The following SPATA2 variants were observed in gnomAD, a reference collection of about 807,000 sequenced individuals.
The protein encoded by SPATA2 is spermatogenesis-associated protein 2.
Under a neutral mutation model 35.4 loss-of-function variants are expected in SPATA2, and 8 were observed. That is an observed-to-expected ratio of 0.23 (90% confidence interval 0.13 to 0.41). The LOEUF is 0.41. Among genes scored for constraint, SPATA2 ranks in the 10% least tolerant of loss-of-function variants. SPATA2 has a pLI of 1.00. For synonymous variants in SPATA2, 293 were observed against 300.9 expected, an observed-to-expected ratio of 0.97 and a Z score of 0.27; for missense variants, 650 against 698.7, an observed-to-expected ratio of 0.93 and a Z score of 0.79.
At chr20:49,907,099 T>C (rs370726724) in intron 2 of SPATA2, among the ~76,000 whole-genome samples, 1 of 152,306 alleles carries the variant, frequency 6.6e-6, no homozygotes, top group African/African-American at 2.4e-5. Flanking sequence ...CTCGCTCTTT[T>C]GCCCAGGGTG....
At position 49,906,897 on chromosome 20, in the gene SPATA2, A is replaced by G. The variant is rs753642159; in HGVS notation, c.337-52T>C. ...GGTGGGGTTTTCTGTCAGAGACACA[A>G]GACAGAGACTATGTCAAAGCAAAGG... is the stretch of plus-strand genomic sequence containing the variant. On this transcript the variant is annotated intron_variant, in intron 2 of 2. Transcript: ENST00000289431. The surrounding 1 kb of genome is among the most constrained non-coding windows in gnomAD (Gnocchi z 8.2). 6.4e-7 allele frequency: 1 copy of G among 1,554,844 alleles called. No individual in the cohort carries two copies. The highest frequency in any genetic ancestry group is 1.2e-5 in the South Asian group (1 of 82,254).
chr20:49,908,205 C>T lies in SPATA2; in HGVS notation c.286G>A (p.Gly96Ser). Residue 96 changes from glycine (G) to serine (S), a missense_variant, in exon 2 of 3, where the codon GGC (glycine) becomes AGC (serine). Transcript: ENST00000289431. Reference protein sequence around the residue: ...HGAFSMLETVGINLFLYPWKK... With the variant: ...HGAFSMLETVSINLFLYPWKK... Reference sequence around the variant, plus strand: ...CACGGGTAGAGGAAGAGGTTGATGCCCACCGTCTCCAGCATGCTGAAGGCG... The same window carrying T: ...CACGGGTAGAGGAAGAGGTTGATGCTCACCGTCTCCAGCATGCTGAAGGCG... The T allele has an allele frequency of 6.2e-7, 1 of 1,613,502 alleles. No homozygotes were observed. Among genetic ancestry groups the T allele is most frequent in the East Asian group, 2.2e-5 (1 of 44,864 alleles).
intron 1 of SPATA2, among the ~76,000 whole-genome samples, chr20:49,910,037 C>T (rs949863826): frequency 2.6e-5 from 4 of 152,214 alleles, no homozygotes; most frequent in African/African-American, 9.6e-5. Flanking sequence ...AGGCTTTACA[C>T]AATCTTGTCA....
rs374830291 is a variant in SPATA2, at chr20:49,903,902, G to GATATATATAT, written c.*1707_*1716dup. 8.3e-5 allele frequency: 8 copies of GATATATATAT among 96,918 alleles called. No individual in the cohort carries two copies. The highest frequency in any genetic ancestry group is 1.0e-4 in the Non-Finnish European group (5 of 49,700). The allele number at this position is 96,918 out of a possible 1,614,324, so 6.0% of individuals were successfully genotyped here. A position where few individuals can be genotyped will look rare whatever the true frequency, so the allele number is the denominator to read the frequency against. On this transcript the variant is annotated 3_prime_UTR_variant, in exon 3 of 3. Coordinates refer to ENST00000289431, the MANE Select transcript of SPATA2 (RefSeq NM_006038.4). The stretch of plus-strand genomic sequence containing the variant: ...ACATCTACATGTGATCTACCAGATA[G>GATATATATAT]ATATATATATATATATATATATATA...
chr20:49,910,560 G>A (rs2090177187), intron 1 of SPATA2, among the ~76,000 whole-genome samples: 1 of 152,180 alleles, frequency 6.6e-6, no homozygotes. Context: ...AAGGTGACCT[G>A]TGTGCTTCAT....
At chr20:49,913,852 C>G (rs1055186084) in intron 1 of SPATA2, 2 of 152,096 alleles carry the variant, frequency 1.3e-5, no homozygotes, top group African/African-American at 2.4e-5. Context: ...CTGGTCATAG[C>G]TGGTGTTTTT....
chr20:49,904,736 T>A lies in SPATA2; in HGVS notation c.*883A>T, dbSNP rs1453792825. The A allele has an allele frequency of 6.6e-6, 1 of 152,644 alleles. No individual in the cohort carries two copies. Among genetic ancestry groups the A allele is most frequent in the Non-Finnish European group, 1.5e-5 (1 of 68,038 alleles). 9.5% of individuals were successfully genotyped at this position (152,644 alleles called of 1,614,324 possible). On this transcript the variant is annotated 3_prime_UTR_variant, in exon 3 of 3. Transcript: ENST00000289431. ...TAGTGAGTGGAGGATACAACACGAA[T>A]GGGCGCGAGGCCCTCCCTTGGAAGA...
chr20:49,908,429 T>C lies in SPATA2; in HGVS notation c.62A>G (p.Gln21Arg), dbSNP rs1221176507. 1.2e-6 allele frequency: 2 copies of C among 1,608,616 alleles called. No individual in the cohort carries two copies. The highest frequency in any genetic ancestry group is 2.7e-5 in the African/African-American group (2 of 74,858). ...FKDDLFRKYV[Q>R]FHESKVDTTT... ...GGTATCCACTTTGCTCTCATGGAAC[T>C]GCACGTACTTCCGAAATAAGTCATC... Residue 21 changes from glutamine to arginine, a missense_variant, in exon 2 of 3, where the codon CAG becomes CGG. Gln to Arg is a conservative substitution (Grantham distance 43, BLOSUM62 1). Coordinates refer to ENST00000289431, the MANE Select transcript of SPATA2 (RefSeq NM_006038.4).
rs1199007105 is a variant in SPATA2, at chr20:49,906,280, A to G, written c.902T>C (p.Met301Thr). The change falls in exon 3 of 3, where the codon ATG (methionine) becomes ACG (threonine). Residue 301 changes from methionine (M) to threonine (T), a missense_variant. Coordinates refer to ENST00000289431, the MANE Select transcript of SPATA2 (RefSeq NM_006038.4). The surrounding 1 kb of genome is among the most constrained non-coding windows in gnomAD (Gnocchi z 8.2). ...IIRPSPSLLT[M>T]ASSPHGSPDV... ...CGGGCTGCCGTGGGGGGAGCTGGCC[A>G]TGGTCAGCAGCGAAGGGGATGGGCG... The G allele has an allele frequency of 2.5e-6, 4 of 1,574,662 alleles. No homozygotes were observed. Among genetic ancestry groups the G allele is most frequent in the Admixed American group, 1.8e-5 (1 of 56,900 alleles).
At chr20:49,910,317 T>C (rs1279490188) in intron 1 of SPATA2, among the ~76,000 whole-genome samples, 1 of 152,182 alleles carries the variant, frequency 6.6e-6, no homozygotes, top group African/African-American at 2.4e-5. Flanking sequence ...TGTCCAGAGC[T>C]GGCGAGAGGA....
Position 49,908,333 on chromosome 20 carries a change from T to C in SPATA2, c.158A>G (p.His53Arg). The C allele has an allele frequency of 1.9e-6, 3 of 1,614,266 alleles. No homozygotes were observed. ...RVAASTLLSL[H>R]KVDPFYRFRL... ...GAATCGATAAAAGGGATCCACCTTG[T>C]GCAGGCTGAGCAGGGTTGAGGCTGC... Residue 53 changes from histidine (H) to arginine (R), a missense_variant, in exon 2 of 3, where the codon CAC becomes CGC. Physicochemically the swap from His to Arg is conservative, Grantham distance 29 (BLOSUM62 0). Coordinates refer to ENST00000289431, the MANE Select transcript of SPATA2 (RefSeq NM_006038.4).
Position 49,904,714 on chromosome 20 carries a change from T to G in SPATA2, c.*905A>C, listed in dbSNP as rs1394359180. ...ACTCTCCTCTCCCCTCGGGCCATAG[T>G]GAGTGGAGGATACAACACGAATGGG... On this transcript the variant is annotated 3_prime_UTR_variant, in exon 3 of 3. Transcript: ENST00000289431. 1 of 152,554 alleles carries G rather than the reference T, an allele frequency of 6.6e-6. No individual in the cohort carries two copies. Among genetic ancestry groups the G allele is most frequent in the Non-Finnish European group, 1.5e-5 (1 of 68,014 alleles). The allele number at this position is 152,554 out of a possible 1,614,324, so 9.5% of individuals were successfully genotyped here.
chr20:49,906,232 G>C lies in SPATA2; in HGVS notation c.950C>G (p.Pro317Arg). 1 of 1,568,616 alleles carries C rather than the reference G, an allele frequency of 6.4e-7. No individual in the cohort carries two copies. Among genetic ancestry groups the C allele is most frequent in the Non-Finnish European group, 8.7e-7 (1 of 1,155,758 alleles). The stretch of plus-strand genomic sequence containing the variant: ...GCGCAGCAGGGCCGGGCCGTTGCTG[G>C]GGGAGGCGGGTGGAAGCACATCCGG... ...GSPDVLPPAS[P>R]SNGPALLRGT... is the part of the protein sequence containing the mutation. The change falls in exon 3 of 3, where the codon CCC becomes CGC. Residue 317 changes from proline (P) to arginine (R), a missense_variant. Physicochemically the swap from Pro to Arg is moderately radical, Grantham distance 103. Transcript: ENST00000289431. This position sits in a 1 kb window ranked among gnomAD's most constrained non-coding sequence, Gnocchi z 8.2.
intron 2 of SPATA2, among the ~76,000 whole-genome samples, chr20:49,907,228 T>G (rs1255553615): frequency 6.6e-6 from 1 of 152,076 alleles, no homozygotes; most frequent in Non-Finnish European, 1.5e-5. Context: ...GCCCAGCTAA[T>G]TTTTCTGTTT....
At chr20:49,907,445 G>T (rs1158543481) in intron 2 of SPATA2, among the ~76,000 whole-genome samples, 1 of 152,132 alleles carries the variant, frequency 6.6e-6, no homozygotes, top group Non-Finnish European at 1.5e-5. Context: ...AGAGAGCCTG[G>T]GCAAACATGG....
In SPATA2 at chr20:49,905,729, T is replaced by G. The variant is rs773145127; in HGVS notation, c.1453A>C (p.Ser485Arg). 1 of 1,614,226 alleles carries G rather than the reference T, an allele frequency of 6.2e-7. No homozygotes were observed. The highest frequency in any genetic ancestry group is 1.1e-5 in the South Asian group (1 of 91,086). ...TAGCAGGGGTCATAATGGTAAGCGC[T>G]GAGGCAGGCGTCACATGAGACTTTT... is the stretch of plus-strand genomic sequence containing the variant. The part of the protein sequence containing the change: ...CSKVSCDACL[S>R]AYHYDPCYKK... The change falls in exon 3 of 3, where the codon AGC (serine) becomes CGC (arginine). Residue 485 changes from serine to arginine, a missense_variant. By Grantham distance (110) the Ser-to-Arg change is moderately radical (BLOSUM62 -1). Coordinates refer to ENST00000289431, the MANE Select transcript of SPATA2 (RefSeq NM_006038.4).
At position 49,906,464 on chromosome 20, in the gene SPATA2, T is replaced by C; in HGVS notation, c.718A>G (p.Lys240Glu). The change falls in exon 3 of 3, where the codon AAG becomes GAG. Residue 240 changes from lysine to glutamate, a missense_variant. Lys to Glu is a moderately conservative substitution (Grantham distance 56). Coordinates refer to ENST00000289431, the MANE Select transcript of SPATA2 (RefSeq NM_006038.4). This position sits in a 1 kb window ranked among gnomAD's most constrained non-coding sequence, Gnocchi z 8.2. The stretch of plus-strand genomic sequence containing the variant: ...GTCACGCGGGGCTTGTAGTAGTCCT[T>C]GGCCGCCCGCTCGCTGGCCGACTTC... ...LQKSASERAA[K>E]DYYKPRVTKP... 6.2e-7 allele frequency: 1 copy of C among 1,611,428 alleles called. No homozygotes were observed. The highest frequency in any genetic ancestry group is 8.5e-7 in the Non-Finnish European group (1 of 1,179,962).
chr20:49,913,411 C>T (rs1465384108), intron 1 of SPATA2: 1 of 152,212 alleles, frequency 6.6e-6, no homozygotes, highest in Non-Finnish European at 1.5e-5. Context: ...CTGCTAACTG[C>T]TCTGTGAAAA....
chr20:49,906,887 CAG>C lies in SPATA2; in HGVS notation c.337-44_337-43del, dbSNP rs768976441. 1.3e-6 allele frequency: 2 copies of C among 1,569,646 alleles called. No homozygotes were observed. Among genetic ancestry groups the C allele is most frequent in the Admixed American group, 3.6e-5 (2 of 54,970 alleles). On this transcript the variant is annotated intron_variant, in intron 2 of 2. Coordinates refer to ENST00000289431, the MANE Select transcript of SPATA2 (RefSeq NM_006038.4). This position sits in a 1 kb window ranked among gnomAD's most constrained non-coding sequence, Gnocchi z 8.2. ...AGAAAAGAAAGGTGGGGTTTTCTGT[CAG>C]AGACACAAGACAGAGACTATGTCAA... is the stretch of plus-strand genomic sequence containing the variant.
Sources: gnomAD v4.1 joint callset for allele counts (sites outside exome capture counted in the v4.1 genomes callset) on GRCh38, gnomAD v4.1.1 for gene constraint, Gnocchi (gnomAD v3.1) non-coding constraint, MANE v1.5 for transcripts, NCBI Gene and HGNC (gene_info 2026-07-23, HGNC 2026-07-21) for gene names.